Variants in ASB13 observed in about 807,000 individuals in gnomAD.
The protein encoded by ASB13 is ankyrin repeat and SOCS box containing 13.
In ASB13, 33 loss-of-function variants were observed where a neutral mutation model predicts 28.8. The ratio of observed to expected loss-of-function variants is 1.15; its 90% confidence interval spans 0.87 to 1.53. The LOEUF (loss-of-function observed/expected upper bound fraction) is 1.53. Among genes scored for constraint, ASB13 ranks in the 40% most tolerant of loss-of-function variants. ASB13 has a pLI of 0.00. For missense variants in ASB13, 414 were observed against 390.1 expected (o/e 1.06, Z -0.52); for synonymous variants, 182 against 172.9 (o/e 1.05, Z -0.41).
At chr10:5,648,342 C>CTCA (rs1834921048) in intron 4 of ASB13, among the ~76,000 whole-genome samples, 6 of 125,948 alleles carry the variant, frequency 4.8e-5, no homozygotes, top group South Asian at 2.7e-4. Flanking sequence ...TAAACACCCA[C>CTCA]GTGGGCAACA....
Position 5,659,849 on chromosome 10 carries a change from G to C in ASB13, c.43+6660C>G, listed in dbSNP as rs1004113696. ...TCCCCAGACGCATCTTCCCCTGCCA[G>C]ACTGAACTTGGACCCCTGCCGCTAG... On this transcript the variant is annotated intron_variant, in intron 1 of 5. Coordinates refer to ENST00000357700, the MANE Select transcript of ASB13 (RefSeq NM_024701.4). This position sits in a 1 kb window ranked among gnomAD's most constrained non-coding sequence, Gnocchi z 5.8. Among the ~76,000 whole-genome samples, 2 of 152,168 alleles carry C rather than the reference G, an allele frequency of 1.3e-5. No individual in the cohort carries two copies. Among genetic ancestry groups the C allele is most frequent in the African/African-American group, 4.8e-5 (2 of 41,444 alleles).
chr10:5,661,334 G>C lies in ASB13; in HGVS notation c.43+5175C>G, dbSNP rs570016686. ...AGCCACTTGCCCCCAACCCCGCCCC[G>C]CCGAGCCTGGGGCCTCTCCAGGGTC... is the stretch of plus-strand genomic sequence containing the variant. On this transcript the variant is annotated intron_variant, in intron 1 of 5. Transcript: ENST00000357700. The surrounding 1 kb of genome is among the most constrained non-coding windows in gnomAD (Gnocchi z 4.9). Among the ~76,000 whole-genome samples the C allele has an allele frequency of 6.6e-6, 1 of 152,188 alleles. No individual in the cohort carries two copies. Among genetic ancestry groups the C allele is most frequent in the Non-Finnish European group, 1.5e-5 (1 of 68,034 alleles).
intron 4 of ASB13, among the ~76,000 whole-genome samples, chr10:5,646,626 C>T (rs774797951): frequency 6.6e-6 from 1 of 152,230 alleles, no homozygotes; most frequent in Non-Finnish European, 1.5e-5. Flanking sequence ...CTCTGCGTCT[C>T]AGCCCTGAAG....
chr10:5,665,510 T>A (rs1835244507), intron 1 of ASB13, among the ~76,000 whole-genome samples: 1 of 152,202 alleles, frequency 6.6e-6, no homozygotes, highest in Admixed American at 6.5e-5. Context: ...TTAAAATATG[T>A]GTTTAAATAA....
chr10:5,666,473 C>A (rs1459341619), intron 1 of ASB13, 36 bp downstream of exon 1: 1 of 1,287,208 alleles, frequency 7.8e-7, no homozygotes. Flanking sequence ...GCCGGCGCCG[C>A]TGCCTCGCTC....
rs376526454 is a variant in ASB13 at position 5,641,913 on chromosome 10, G to A, written c.566C>T (p.Ala189Val). ...AKLHETALHH[A>V]AKVKNVDLIE... ...GAGGTCAACATTCTTGACCTTGGCC[G>A]CGTGGTGAAGGGCAGTCTCATGAAG... is the stretch of plus-strand genomic sequence containing the variant. The change falls in exon 5 of 6, where the codon GCG becomes GTG. Residue 189 changes from alanine (A) to valine (V), a missense_variant. By Grantham distance (64) the Ala-to-Val change is moderately conservative. Transcript: ENST00000357700. The surrounding 1 kb of genome is among the most constrained non-coding windows in gnomAD (Gnocchi z 8.4). The A allele has an allele frequency of 2.0e-5, 33 of 1,613,268 alleles. No homozygotes were observed. The highest frequency in any genetic ancestry group is 1.6e-4 in the Middle Eastern group (1 of 6,082).
chr10:5,666,172 CCACTGG>C (rs1167492121), intron 1 of ASB13, among the ~76,000 whole-genome samples: 2 of 152,218 alleles, frequency 1.3e-5, no homozygotes, highest in African/African-American at 4.8e-5. Context: ...CTCTCCCCCG[CCACTGG>C]GCAACGGCCC....
Position 5,652,921 on chromosome 10 carries a change from G to A in ASB13, c.173C>T (p.Ala58Val), listed in dbSNP as rs1445199208. The A allele has an allele frequency of 6.3e-7, 1 of 1,583,414 alleles. No homozygotes were observed. The highest frequency in any genetic ancestry group is 1.2e-5 in the South Asian group (1 of 86,398). Residue 58 changes from alanine to valine, a missense_variant, in exon 2 of 6, where the codon GCA becomes GTA. Ala to Val is a moderately conservative substitution (Grantham distance 64). Coordinates refer to ENST00000357700, the MANE Select transcript of ASB13 (RefSeq NM_024701.4). The surrounding 1 kb of genome is among the most constrained non-coding windows in gnomAD (Gnocchi z 5.0). ...CCGCGCCTGGCCCTGCAGACTGGCT[G>A]CGTGCAGGGGCGTGATGGAGTCCAC... is the stretch of plus-strand genomic sequence containing the variant. ...VTVDSITPLH[A>V]ASLQGQARCV...
In ASB13 at chr10:5,655,877, T is replaced by C. The variant is rs560726009; in HGVS notation, c.44-2827A>G. ...GGCCACCTGAGCCGGGAAGGCGCGT[T>C]CCCGACGTGCCTCCATTCACAAGAC... On this transcript the variant is annotated intron_variant, in intron 1 of 5. Coordinates refer to ENST00000357700, the MANE Select transcript of ASB13 (RefSeq NM_024701.4). This position sits in a 1 kb window ranked among gnomAD's most constrained non-coding sequence, Gnocchi z 6.2. Among the ~76,000 whole-genome samples the C allele has an allele frequency of 4.3e-4, 65 of 152,290 alleles. 1 individual carries two copies. The highest frequency in any genetic ancestry group is 1.5e-3 in the African/African-American group (63 of 41,550).
chr10:5,654,508 G>A (rs1364646526), intron 1 of ASB13, among the ~76,000 whole-genome samples: 2 of 152,192 alleles, frequency 1.3e-5, no homozygotes, highest in Non-Finnish European at 2.9e-5. Flanking sequence ...ACCAGGTGCA[G>A]ACAAAAGCTC....
rs960340495 is a variant in ASB13, at chr10:5,656,475, A to C, written c.44-3425T>G. Among the ~76,000 whole-genome samples the C allele has an allele frequency of 3.9e-4, 59 of 151,480 alleles. No homozygotes were observed. The highest frequency in any genetic ancestry group is 1.4e-3 in the African/African-American group (59 of 41,212). On this transcript the variant is annotated intron_variant, in intron 1 of 5. Coordinates refer to ENST00000357700, the MANE Select transcript of ASB13 (RefSeq NM_024701.4). This position sits in a 1 kb window ranked among gnomAD's most constrained non-coding sequence, Gnocchi z 4.3. ...AATCGCTTGAACCCAGGAGGCGGAG[A>C]TTGCAGTGAGCTGAGATCGCACCAT...
Position 5,652,026 on chromosome 10 carries a change from CCACACACA to C in ASB13, c.232-671_232-664del, listed in dbSNP as rs5782851. On this transcript the variant is annotated intron_variant, in intron 2 of 5. Transcript: ENST00000357700. This position sits in a 1 kb window ranked among gnomAD's most constrained non-coding sequence, Gnocchi z 5.0. ...CAAAAAAAAAAAAAAAAAAAAAAAA[CCACACACA>C]CACACACACACACACACACACACAC... Among the ~76,000 whole-genome samples the C allele has an allele frequency of 1.8e-3, 109 of 59,180 alleles. No individual in the cohort carries two copies. The highest frequency in any genetic ancestry group is 6.6e-3 in the East Asian group (6 of 906). The allele number at this position is 59,180 out of a possible 152,430, so 38.8% of individuals were successfully genotyped here.
chr10:5,665,369 A>C (rs928254355), intron 1 of ASB13, among the ~76,000 whole-genome samples: 1 of 152,224 alleles, frequency 6.6e-6, no homozygotes, highest in Non-Finnish European at 1.5e-5. Context: ...AAAAAATGAC[A>C]ATGTCAAAAA....
rs777893795 is a variant in ASB13, at chr10:5,650,850, G to A, written c.382+363C>T. On this transcript the variant is annotated intron_variant, in intron 3 of 5. Transcript: ENST00000357700. This position sits in a 1 kb window ranked among gnomAD's most constrained non-coding sequence, Gnocchi z 6.0. Reference sequence around the variant, plus strand: ...CTCCTGGCCCAGGCTGTTGGGACACGTTTCTCTGTCGTCTCCCATCTCAAT... The same window carrying A: ...CTCCTGGCCCAGGCTGTTGGGACACATTTCTCTGTCGTCTCCCATCTCAAT... 7.9e-5 allele frequency among the ~76,000 whole-genome samples: 12 copies of A among 152,178 alleles called. No individual in the cohort carries two copies. The highest frequency in any genetic ancestry group is 2.1e-4 in the South Asian group (1 of 4,830).
At position 5,663,629 on chromosome 10, in the gene ASB13, C is replaced by G. The variant is rs9423877; in HGVS notation, c.43+2880G>C. Among the ~76,000 whole-genome samples, 44,999 of 152,112 alleles carry G rather than the reference C, an allele frequency of 0.3. 6,961 individuals carry two copies. The highest frequency in any genetic ancestry group is 0.45 in the Middle Eastern group (132 of 294). On this transcript the variant is annotated intron_variant, in intron 1 of 5. Transcript: ENST00000357700. The surrounding 1 kb of genome is among the most constrained non-coding windows in gnomAD (Gnocchi z 4.9). ...CACCTAAGCCTCAGTTTCCTTAGGACAGCAGGCAATGTCTCCCAGGGCTGC... is the reference window on the plus strand; with the variant it reads ...CACCTAAGCCTCAGTTTCCTTAGGAGAGCAGGCAATGTCTCCCAGGGCTGC...
Position 5,649,222 on chromosome 10 carries a change from C to A in ASB13, c.383-118G>T. On this transcript the variant is annotated intron_variant, in intron 3 of 5. Transcript: ENST00000357700. The surrounding 1 kb of genome is among the most constrained non-coding windows in gnomAD (Gnocchi z 6.4). ...CTTGGTGCAGGGCAGGGAAGCCAGG[C>A]AGGCCTGCGTCCCAACCTAGGGAGG... is the stretch of plus-strand genomic sequence containing the variant. The A allele has an allele frequency of 1.4e-6, 2 of 1,428,518 alleles. No homozygotes were observed. Among genetic ancestry groups the A allele is most frequent in the East Asian group, 4.6e-5 (2 of 43,418 alleles). The allele number at this position is 1,428,518 out of a possible 1,614,324, so 88.5% of individuals were successfully genotyped here.
In ASB13 at chr10:5,641,988, T is replaced by C. The variant is rs374359878; in HGVS notation, c.518-27A>G. On this transcript the variant is annotated intron_variant, in intron 4 of 5. Transcript: ENST00000357700. The surrounding 1 kb of genome is among the most constrained non-coding windows in gnomAD (Gnocchi z 8.4). ...TGGAGGTCAAGAGTGCAGAAGAGATTTCACCAAGAAGAGAACTTGAAGTCA... is the reference window on the plus strand; with the variant it reads ...TGGAGGTCAAGAGTGCAGAAGAGATCTCACCAAGAAGAGAACTTGAAGTCA... 1 of 1,585,092 alleles carries C rather than the reference T, an allele frequency of 6.3e-7. No individual in the cohort carries two copies. The highest frequency in any genetic ancestry group is 1.3e-5 in the African/African-American group (1 of 74,328).
chr10:5,643,878 C>T (rs1426806308), intron 4 of ASB13, among the ~76,000 whole-genome samples: 1 of 152,200 alleles, frequency 6.6e-6, no homozygotes, highest in Non-Finnish European at 1.5e-5. Context: ...TACTCTCTCA[C>T]GATCAGGGAG....
chr10:5,640,723 C>A lies in ASB13; in HGVS notation c.817G>T (p.Asp273Tyr). ...AKLNIPPRLIDYLSYN is the reference protein window; with the variant it reads ...AKLNIPPRLIYYLSYN ...GCAATTCAGTTGTAGGAGAGGTAAT[C>A]AATGAGCCGGGGCGGGATGTTTAAC... The change falls in exon 6 of 6, where the codon GAT becomes TAT. Residue 273 changes from aspartate (D) to tyrosine (Y), a missense_variant. Coordinates refer to ENST00000357700, the MANE Select transcript of ASB13 (RefSeq NM_024701.4). 1 of 1,614,160 alleles carries A rather than the reference C, an allele frequency of 6.2e-7. No individual in the cohort carries two copies. The highest frequency in any genetic ancestry group is 8.5e-7 in the Non-Finnish European group (1 of 1,180,022).
Sources: gnomAD v4.1 joint callset for allele counts (sites outside exome capture counted in the v4.1 genomes callset) on GRCh38, gnomAD v4.1.1 for gene constraint, Gnocchi (gnomAD v3.1) non-coding constraint, MANE v1.5 for transcripts, NCBI Gene and HGNC (gene_info 2026-07-23, HGNC 2026-07-21) for gene names.